Variants in IRAG1 observed in about 807,000 individuals in gnomAD.
IRAG1 encodes inositol 1,4,5-triphosphate receptor associated 1.
A neutral mutation model predicts 106.2 loss-of-function variants in IRAG1; 62 were observed. The ratio of observed to expected loss-of-function variants is 0.58; its 90% CI spans 0.48 to 0.72. The LOEUF (loss-of-function observed/expected upper bound fraction) is 0.72, where lower values mean the gene tolerates loss of function less well. Ranked by LOEUF, IRAG1 falls within the 30% of genes least tolerant of loss-of-function variation. The pLI is 0.00. For synonymous variants in IRAG1, 462 were observed against 443.9 expected, an observed-to-expected ratio of 1.04 and a Z score of -0.51; for missense variants, 1,064 against 1,140.7, an observed-to-expected ratio of 0.93 and a Z score of 0.97.
chr11:10,631,890 G>A, intron 4 of IRAG1, 101 bp downstream of exon 4: 1 of 915,262 alleles, frequency 1.1e-6, no homozygotes, highest in Non-Finnish European at 1.8e-6. Flanking sequence ...CTTATCGGGA[G>A]GGAGCGCCTT....
intron 1 of IRAG1, among the ~76,000 whole-genome samples, chr11:10,652,669 A>T (rs1479454699): frequency 6.6e-6 from 1 of 152,152 alleles, no homozygotes; most frequent in South Asian, 2.1e-4. Context: ...GCCCCAAATC[A>T]TACAGAGAAC....
In IRAG1 at chr11:10,629,559, T is replaced by G; in HGVS notation, c.553A>C (p.Ser185Arg). 3.7e-6 allele frequency: 6 copies of G among 1,613,916 alleles called. No individual in the cohort carries two copies. Among genetic ancestry groups the G allele is most frequent in the Non-Finnish European group, 5.1e-6 (6 of 1,179,832 alleles). The change falls in exon 5 of 21, where the codon AGC becomes CGC. Residue 185 changes from serine (S) to arginine (R), a missense_variant. Coordinates refer to ENST00000423302, the MANE Select transcript of IRAG1 (RefSeq NM_130385.4). ...CTACCTGATGGGGAGTCTCCGGGGC[T>G]GCTCCTGGACTTCCTCCCACGGCGG... ...LTRRGRKSRS[S>R]PGDSPSAVSP...
intron 1 of IRAG1, among the ~76,000 whole-genome samples, chr11:10,671,980 T>C (rs1263534374): frequency 1.3e-5 from 2 of 152,178 alleles, no homozygotes; most frequent in Non-Finnish European, 2.9e-5. Flanking sequence ...TATAGTATGA[T>C]ACTATACACT....
At position 10,660,642 on chromosome 11, in the gene IRAG1, T is replaced by G. The variant is rs1001746679; in HGVS notation, c.68-8460A>C. ...AGATGACTTTAGTATCACCCCAAGATAGCACAGTTATGGAGACTTCATTGC... is the reference window on the plus strand; with the variant it reads ...AGATGACTTTAGTATCACCCCAAGAGAGCACAGTTATGGAGACTTCATTGC... On this transcript the variant is annotated intron_variant, in intron 1 of 20. Coordinates refer to ENST00000423302, the MANE Select transcript of IRAG1 (RefSeq NM_130385.4). 5.9e-5 allele frequency among the ~76,000 whole-genome samples: 9 copies of G among 152,206 alleles called. No homozygotes were observed. In the South Asian group the frequency reaches 8.3e-4, roughly 14 times the overall value.
intron 15 of IRAG1, among the ~76,000 whole-genome samples, chr11:10,597,524 G>GGGTCTCACTTTGTTGCCCAGGCT (rs561918480): frequency 6.6e-6 from 1 of 151,896 alleles, no homozygotes; most frequent in Non-Finnish European, 1.5e-5. Context: ...TGTGGAGATA[G>GGGTCTCACTTTGTTGCCCAGGCT]GGTCTCACTT....
intron 1 of IRAG1, among the ~76,000 whole-genome samples, chr11:10,660,282 A>G (rs1859291391): frequency 6.6e-6 from 1 of 151,264 alleles, no homozygotes; most frequent in Non-Finnish European, 1.5e-5. Context: ...AAAGGAGATA[A>G]ATACTCAAAA....
intron 1 of IRAG1, among the ~76,000 whole-genome samples, chr11:10,691,265 G>C (rs1862034976): frequency 6.6e-6 from 1 of 152,220 alleles, no homozygotes; most frequent in Non-Finnish European, 1.5e-5. Context: ...AGCACTTCGT[G>C]TGCTCCCGGC....
chr11:10,588,892 T>C (rs147839542), intron 18 of IRAG1: 2 of 152,356 alleles, frequency 1.3e-5, no homozygotes, highest in East Asian at 1.9e-4. Flanking sequence ...GCTGAAGGAA[T>C]GAAAGAACAA....
intron 1 of IRAG1, among the ~76,000 whole-genome samples, chr11:10,655,133 C>T (rs1019925899): frequency 1.3e-5 from 2 of 152,158 alleles, no homozygotes; most frequent in Admixed American, 6.5e-5. Flanking sequence ...TCATAGGAAA[C>T]CTTTTAAAAT....
chr11:10,622,185 G>GA (rs1383570594), intron 10 of IRAG1, among the ~76,000 whole-genome samples: 1 of 152,150 alleles, frequency 6.6e-6, no homozygotes. Context: ...AAATACAAAA[G>GA]AAAGTCAAGA....
intron 1 of IRAG1, among the ~76,000 whole-genome samples, chr11:10,673,830 C>T (rs1860440549): frequency 6.6e-6 from 1 of 152,024 alleles, no homozygotes; most frequent in African/African-American, 2.4e-5. Context: ...TCTGAAATTG[C>T]TGAGGATACA....
Position 10,659,586 on chromosome 11 carries a change from C to T in IRAG1, c.68-7404G>A, listed in dbSNP as rs1455237506. Among the ~76,000 whole-genome samples, 3 of 152,062 alleles carry T rather than the reference C, an allele frequency of 2.0e-5. No homozygotes were observed. Among genetic ancestry groups the T allele is most frequent in the Non-Finnish European group, 4.4e-5 (3 of 68,018 alleles). The stretch of plus-strand genomic sequence containing the variant: ...CCCTGCTCTCCGCTCCTGTGGAGCT[C>T]GTATAGGCTTTGTTGGCTGGGGGTG... On this transcript the variant is annotated intron_variant, in intron 1 of 20. Coordinates refer to ENST00000423302, the MANE Select transcript of IRAG1 (RefSeq NM_130385.4). The surrounding 1 kb of genome is among the most constrained non-coding windows in gnomAD (Gnocchi z 4.1).
chr11:10,628,717 C>A lies in IRAG1; in HGVS notation c.652+34G>T, dbSNP rs1290125716. ...CTGAGCTGCCACCCAGAGCGAGAGGCAGGGCAGGAAGTCCCCGGGCAGCTG... is the reference window on the plus strand; with the variant it reads ...CTGAGCTGCCACCCAGAGCGAGAGGAAGGGCAGGAAGTCCCCGGGCAGCTG... On this transcript the variant is annotated intron_variant, in intron 6 of 20. Coordinates refer to ENST00000423302, the MANE Select transcript of IRAG1 (RefSeq NM_130385.4). This position sits in a 1 kb window ranked among gnomAD's most constrained non-coding sequence, Gnocchi z 4.1. 3.4e-6 allele frequency: 5 copies of A among 1,486,854 alleles called. No individual in the cohort carries two copies. In the South Asian group the frequency reaches 6.7e-5, roughly 20 times the overall value. The allele number at this position is 1,486,854 out of a possible 1,614,324, so 92.1% of individuals were successfully genotyped here. A position where few individuals can be genotyped will look rare whatever the true frequency, so the allele number is the denominator to read the frequency against.
At chr11:10,601,922 G>A (rs1357652689) in intron 14 of IRAG1, among the ~76,000 whole-genome samples, 1 of 152,200 alleles carries the variant, frequency 6.6e-6, no homozygotes, top group Non-Finnish European at 1.5e-5. Flanking sequence ...GTGAGTGACA[G>A]GTGGGCTGAG....
intron 16 of IRAG1, 46 bp from the exon 17 acceptor site, chr11:10,593,645 T>C: frequency 2.8e-6 from 4 of 1,405,242 alleles, no homozygotes; most frequent in Non-Finnish European, 4.0e-6. Context: ...GAGGTAGCAA[T>C]AGCCATAGTT....
At position 10,659,017 on chromosome 11, in the gene IRAG1, T is replaced by G. The variant is rs954244423; in HGVS notation, c.68-6835A>C. On this transcript the variant is annotated intron_variant, in intron 1 of 20. Coordinates refer to ENST00000423302, the MANE Select transcript of IRAG1 (RefSeq NM_130385.4). This position sits in a 1 kb window ranked among gnomAD's most constrained non-coding sequence, Gnocchi z 4.1. ...TGTGCTGTGCTCAGTCCCAGGTCTG[T>G]GCTGTGCTTGCCCCAGATCTGTGCT... Among the ~76,000 whole-genome samples, 3 of 152,088 alleles carry G rather than the reference T, an allele frequency of 2.0e-5. No homozygotes were observed. The highest frequency in any genetic ancestry group is 6.5e-5 in the Admixed American group (1 of 15,278).
At chr11:10,655,290 G>A (rs1858831228) in intron 1 of IRAG1, among the ~76,000 whole-genome samples, 1 of 152,172 alleles carries the variant, frequency 6.6e-6, no homozygotes, top group South Asian at 2.1e-4. Context: ...GACAAATTGG[G>A]ACATGTTTTG....
chr11:10,600,892 G>A, intron 15 of IRAG1, 26 bp downstream of exon 15: 1 of 1,613,506 alleles, frequency 6.2e-7, no homozygotes, highest in Non-Finnish European at 8.5e-7. Context: ...GTAGGGCCAA[G>A]ATGGGGCAGG....
intron 1 of IRAG1, among the ~76,000 whole-genome samples, chr11:10,672,148 T>C (rs952515007): frequency 2.6e-5 from 4 of 152,154 alleles, no homozygotes; most frequent in Admixed American, 6.5e-5. Flanking sequence ...GATAACCACA[T>C]GTAAAAGAAT....
Sources: allele counts gnomAD v4.1 joint callset (sites outside exome capture counted in the v4.1 genomes callset), GRCh38; gene constraint gnomAD v4.1.1; non-coding constraint Gnocchi (gnomAD v3.1); transcripts MANE v1.5; gene names NCBI Gene and HGNC (gene_info 2026-07-23, HGNC 2026-07-21).